The following AMOTL1 variants were observed in gnomAD, a reference collection of about 807,000 sequenced individuals.
AMOTL1 encodes angiomotin-like protein 1.
AMOTL1 carries 45 observed loss-of-function variants against 102.9 expected under a neutral mutation model. The observed-to-expected ratio is 0.44, with a 90% CI of 0.34 to 0.56. The LOEUF (loss-of-function observed/expected upper bound fraction) is 0.56. Among genes scored for constraint, AMOTL1 ranks in the 20% least tolerant of loss-of-function variants. The probability of loss-of-function intolerance (pLI) is 0.01; values close to 1 mark genes in which losing one functional copy is unlikely to be tolerated. For synonymous variants in AMOTL1, 481 were observed against 484.7 expected (o/e 0.99, Z 0.10); for missense variants, 1,114 against 1,225.6 (o/e 0.91, Z 1.36).
At chr11:94,850,840 T>C (rs1412371473) in intron 7 of AMOTL1, among the ~76,000 whole-genome samples, 1 of 152,160 alleles carries the variant, frequency 6.6e-6, no homozygotes, top group African/African-American at 2.4e-5. Context: ...CCAAAGTCTA[T>C]AAGAGTCTTA....
intron 3 of AMOTL1, among the ~76,000 whole-genome samples, chr11:94,741,221 C>T (rs1012157734): frequency 6.7e-6 from 1 of 150,270 alleles, no homozygotes; most frequent in Non-Finnish European, 1.5e-5. Context: ...TGTGTGTGTG[C>T]GTGCGTGTGC....
chr11:94,814,214 A>G (rs1461014169), intron 3 of AMOTL1, among the ~76,000 whole-genome samples: 1 of 152,238 alleles, frequency 6.6e-6, no homozygotes, highest in East Asian at 1.9e-4. Context: ...TGCTTTCTTG[A>G]TGCCAGCATA....
At chr11:94,840,681 T>TATACAC (rs1166713705) in intron 6 of AMOTL1, among the ~76,000 whole-genome samples, 2 of 104,782 alleles carry the variant, frequency 1.9e-5, no homozygotes, top group African/African-American at 8.1e-5. Context: ...TATATATATA[T>TATACAC]ACACACACAC....
chr11:94,738,885 A>G (rs1950476783), intron 2 of AMOTL1, among the ~76,000 whole-genome samples: 1 of 152,166 alleles, frequency 6.6e-6, no homozygotes, highest in African/African-American at 2.4e-5. Flanking sequence ...TCACCTTGAT[A>G]TTATGCATGG....
At chr11:94,781,632 C>G (rs943372618) in intron 1 of AMOTL1, among the ~76,000 whole-genome samples, 2 of 151,978 alleles carry the variant, frequency 1.3e-5, no homozygotes, top group South Asian at 4.2e-4. Flanking sequence ...GTCAGGAGAT[C>G]GAGACCATCC....
At chr11:94,849,293 A>G (rs1362505736) in intron 6 of AMOTL1, among the ~76,000 whole-genome samples, 1 of 152,212 alleles carries the variant, frequency 6.6e-6, no homozygotes, top group East Asian at 1.9e-4. Flanking sequence ...TAAGCAATGT[A>G]TCTAAATAGT....
At chr11:94,789,455 G>A (rs528118255) in intron 1 of AMOTL1, among the ~76,000 whole-genome samples, 7 of 152,136 alleles carry the variant, frequency 4.6e-5, no homozygotes, top group African/African-American at 7.2e-5. Context: ...CACCGTGCCC[G>A]GCACTGTTTC....
At chr11:94,829,774 C>T (rs966770884) in intron 4 of AMOTL1, among the ~76,000 whole-genome samples, 1 of 151,898 alleles carries the variant, frequency 6.6e-6, no homozygotes, top group African/African-American at 2.4e-5. Flanking sequence ...TTAGATTTAC[C>T]CCTTTCTAAT....
intron 12 of AMOTL1, 110 bp downstream of exon 12, chr11:94,869,583 CTA>C: frequency 1.6e-6 from 2 of 1,269,636 alleles, no homozygotes; most frequent in Non-Finnish European, 2.1e-6. Context: ...AGCTCTTACT[CTA>C]TGGGGATGCT....
chr11:94,713,897 T>C (rs1023973566), intron 1 of AMOTL1, among the ~76,000 whole-genome samples: 5 of 152,030 alleles, frequency 3.3e-5, no homozygotes, highest in Non-Finnish European at 7.4e-5. Flanking sequence ...TCTGGTTTCT[T>C]GCCTTATTGC....
chr11:94,756,396 C>G (rs928452719), intron 3 of AMOTL1, among the ~76,000 whole-genome samples: 3 of 152,176 alleles, frequency 2.0e-5, no homozygotes, highest in African/African-American at 7.2e-5. Context: ...TATGACCCAA[C>G]ATAAGGATAT....
chr11:94,831,413 A>G (rs1952068226), intron 5 of AMOTL1, 39 bp from the exon 6 acceptor site: 3 of 1,508,564 alleles, frequency 2.0e-6, no homozygotes, highest in African/African-American at 1.4e-5. Context: ...ACTTCAATCC[A>G]TATACATTTC....
chr11:94,869,766 G>A (rs1019533578), intron 12 of AMOTL1, among the ~76,000 whole-genome samples: 11 of 152,160 alleles, frequency 7.2e-5, no homozygotes, highest in Non-Finnish European at 1.2e-4. Flanking sequence ...GACCCTCTAA[G>A]GGGCTGAATG....
rs1555067546 is a variant in AMOTL1 at position 94,771,261 on chromosome 11, G to GC, written c.49+2701_49+2702insC. ...TTTTCTTTTCTTTTTGGCGGGGTTG[G>GC]GGGGGGGGTGCGGTGTGTGGCTATC... is the stretch of plus-strand genomic sequence containing the variant. On this transcript the variant is annotated intron_variant, in intron 1 of 12. Transcript: ENST00000433060. 2.1e-4 allele frequency among the ~76,000 whole-genome samples: 29 copies of GC among 139,080 alleles called. 1 individual carries two copies. In the East Asian group the frequency reaches 3.9e-3, roughly 19 times the overall value. The allele number at this position is 139,080 out of a possible 152,430, so 91.2% of individuals were successfully genotyped here. A position where few individuals can be genotyped will look rare whatever the true frequency, so the allele number is the denominator to read the frequency against.
At chr11:94,854,476 G>A (rs1952618713) in intron 8 of AMOTL1, among the ~76,000 whole-genome samples, 1 of 152,230 alleles carries the variant, frequency 6.6e-6, no homozygotes, top group East Asian at 1.9e-4. Flanking sequence ...GGGTAGCAGG[G>A]TGCAGGTAGC....
At chr11:94,758,929 T>C (rs1273963248) in intron 3 of AMOTL1, among the ~76,000 whole-genome samples, 1 of 152,178 alleles carries the variant, frequency 6.6e-6, no homozygotes, top group Non-Finnish European at 1.5e-5. Context: ...ATGATCACAG[T>C]CATGTTACAC....
chr11:94,846,620 T>A (rs1008802523), intron 6 of AMOTL1, among the ~76,000 whole-genome samples: 1 of 152,232 alleles, frequency 6.6e-6, no homozygotes, highest in Non-Finnish European at 1.5e-5. Context: ...TTTTCAGAGA[T>A]ATATGACCTG....
At chr11:94,869,103 C>A in intron 11 of AMOTL1, 95 bp from the exon 12 acceptor site, 1 of 1,321,726 alleles carries the variant, frequency 7.6e-7, no homozygotes, top group Non-Finnish European at 1.0e-6. Context: ...ATGAATGAAG[C>A]AATCATCAAT....
chr11:94,718,342 A>C (rs752355402), intron 1 of AMOTL1, among the ~76,000 whole-genome samples: 14 of 152,042 alleles, frequency 9.2e-5, no homozygotes, highest in Non-Finnish European at 1.9e-4. Context: ...ATTTATTGAC[A>C]GTCATTAAAA....
Sources: allele counts gnomAD v4.1 joint callset (sites outside exome capture counted in the v4.1 genomes callset), GRCh38; gene constraint gnomAD v4.1.1; transcripts MANE v1.5; gene names NCBI Gene and HGNC (gene_info 2026-07-23, HGNC 2026-07-21).